Variants in ST6GALNAC3 observed in about 807,000 individuals in gnomAD.
ST6GALNAC3 encodes alpha-N-acetylgalactosaminide alpha-2,6-sialyltransferase 3.
Under a neutral mutation model 32.7 loss-of-function variants are expected in ST6GALNAC3, and 25 were observed. The observed-to-expected ratio is 0.76, with a 90% CI of 0.56 to 1.07. The LOEUF is 1.07. Among genes scored for constraint, ST6GALNAC3 ranks in the 50% least tolerant of loss-of-function variants. The pLI, the probability that ST6GALNAC3 is intolerant of heterozygous loss-of-function variation, is 0.00. For synonymous variants in ST6GALNAC3, 129 were observed against 133.1 expected (o/e 0.97, Z 0.21); for missense variants, 355 against 382.4 (o/e 0.93, Z 0.60).
chr1:76,343,756 T>C (rs1648261856), intron 2 of ST6GALNAC3, among the ~76,000 whole-genome samples: 1 of 152,244 alleles, frequency 6.6e-6, no homozygotes, highest in African/African-American at 2.4e-5. Flanking sequence ...TGCTTTGATA[T>C]TCTTTGTCTT....
At chr1:76,341,352 C>A (rs1647952671) in intron 2 of ST6GALNAC3, among the ~76,000 whole-genome samples, 1 of 152,056 alleles carries the variant, frequency 6.6e-6, no homozygotes. Context: ...ATAATGGCCT[C>A]TAGCTTCATC....
rs1418795224 is a variant in ST6GALNAC3, at chr1:76,468,336, T to A, written c.623+55919T>A. 8.7e-4 allele frequency among the ~76,000 whole-genome samples: 132 copies of A among 152,198 alleles called. 1 individual carries two copies. Among genetic ancestry groups the A allele is most frequent in the Non-Finnish European group, 1.5e-5 (1 of 67,958 alleles). ...AGTGCCTGTGATTTAAGTAGCTACT[T>A]GGGACACATTGAAGAGTCTGTTGTT... On this transcript the variant is annotated intron_variant, in intron 3 of 4. Transcript: ENST00000328299.
intron 1 of ST6GALNAC3, among the ~76,000 whole-genome samples, chr1:76,112,970 G>C (rs1648170354): frequency 2.0e-5 from 3 of 152,132 alleles, no homozygotes; most frequent in Admixed American, 2.0e-4. Context: ...TCGGCACTTT[G>C]GGGGGCCAAG....
chr1:76,584,857 G>A (rs913377578), intron 3 of ST6GALNAC3, among the ~76,000 whole-genome samples: 2 of 152,122 alleles, frequency 1.3e-5, no homozygotes, highest in Non-Finnish European at 2.9e-5. Context: ...AATGATATAC[G>A]CTACTTCCCA....
chr1:76,481,087 T>C (rs926435907), intron 3 of ST6GALNAC3, among the ~76,000 whole-genome samples: 1 of 152,154 alleles, frequency 6.6e-6, no homozygotes, highest in Non-Finnish European at 1.5e-5. Context: ...CCTTCTGAGC[T>C]TTCTGATCTT....
chr1:76,379,586 T>G (rs771568479), intron 2 of ST6GALNAC3, among the ~76,000 whole-genome samples: 11 of 152,192 alleles, frequency 7.2e-5, no homozygotes, highest in Middle Eastern at 3.2e-3. Context: ...TATTGAGAAC[T>G]GAGCCTGCAC....
chr1:76,494,875 G>T (rs140307331), intron 3 of ST6GALNAC3, among the ~76,000 whole-genome samples: 1 of 151,974 alleles, frequency 6.6e-6, no homozygotes, highest in African/African-American at 2.4e-5. Flanking sequence ...AGAGCCAATG[G>T]TATAGTTCCC....
At chr1:76,228,156 T>G (rs1016128662) in intron 1 of ST6GALNAC3, among the ~76,000 whole-genome samples, 1 of 152,192 alleles carries the variant, frequency 6.6e-6, no homozygotes, top group African/African-American at 2.4e-5. Flanking sequence ...TATTGAAATA[T>G]GAAATAGACC....
intron 2 of ST6GALNAC3, among the ~76,000 whole-genome samples, chr1:76,396,301 C>T (rs1343016578): frequency 6.6e-6 from 1 of 151,842 alleles, no homozygotes; most frequent in Non-Finnish European, 1.5e-5. Flanking sequence ...CTTGTCTCTA[C>T]AAAAAATATA....
chr1:76,290,404 A>G (rs1660017139), intron 1 of ST6GALNAC3, among the ~76,000 whole-genome samples: 1 of 152,152 alleles, frequency 6.6e-6, no homozygotes, highest in South Asian at 2.1e-4. Flanking sequence ...ACTCCTTTCA[A>G]TGACTGCATG....
chr1:76,629,929 G>GCCTTCTAGGGATTTATTTTTC lies in ST6GALNAC3; in HGVS notation c.*1126_*1146dup. The GCCTTCTAGGGATTTATTTTTC allele has an allele frequency of 1.0e-6, 1 of 985,098 alleles. No homozygotes were observed. The highest frequency in any genetic ancestry group is 1.2e-6 in the Non-Finnish European group (1 of 829,766). The allele number at this position is 985,098 out of a possible 1,614,324, so 61.0% of individuals were successfully genotyped here. ...ATATTAAACCTGACCAGAGCTTTTT[G>GCCTTCTAGGGATTTATTTTTC]CCTTCTAGGGATTTATTTTTCCCAT... On this transcript the variant is annotated 3_prime_UTR_variant, in exon 5 of 5. Transcript: ENST00000328299.
At chr1:76,385,028 T>C (rs547818972) in intron 2 of ST6GALNAC3, among the ~76,000 whole-genome samples, 11 of 152,262 alleles carry the variant, frequency 7.2e-5, no homozygotes, top group African/African-American at 2.6e-4. Context: ...ATTTCATTTA[T>C]ATAAGCCAAA....
At chr1:76,614,293 G>A (rs1335866781) in intron 3 of ST6GALNAC3, among the ~76,000 whole-genome samples, 3 of 152,302 alleles carry the variant, frequency 2.0e-5, no homozygotes, top group African/African-American at 7.2e-5. Context: ...CCAATTCTCA[G>A]AAGCTAAGTT....
intron 3 of ST6GALNAC3, among the ~76,000 whole-genome samples, chr1:76,613,541 C>T (rs1476486634): frequency 1.3e-5 from 2 of 152,158 alleles, no homozygotes; most frequent in Non-Finnish European, 2.9e-5. Context: ...GGATTTGTAT[C>T]CCTGCCCAAA....
chr1:76,074,846 C>G lies in ST6GALNAC3; in HGVS notation c.-21C>G. The G allele has an allele frequency of 6.3e-7, 1 of 1,585,612 alleles. No homozygotes were observed. Among genetic ancestry groups the G allele is most frequent in the Non-Finnish European group, 8.6e-7 (1 of 1,166,398 alleles). ...CCCAGGCGCGCCCGCTGCTCGGTGGCAGGAGGGCCGGCGGAGCGCCATGGC... is the reference window on the plus strand; with the variant it reads ...CCCAGGCGCGCCCGCTGCTCGGTGGGAGGAGGGCCGGCGGAGCGCCATGGC... On this transcript the variant is annotated 5_prime_UTR_variant, in exon 1 of 5. Transcript: ENST00000328299.
downstream of ST6GALNAC3, among the ~76,000 whole-genome samples, chr1:76,635,824 G>A (rs1649490781): frequency 6.6e-6 from 1 of 152,090 alleles, no homozygotes; most frequent in South Asian, 2.1e-4. Flanking sequence ...TGTGCTGGAA[G>A]GTTTTATGGG....
intron 3 of ST6GALNAC3, among the ~76,000 whole-genome samples, chr1:76,565,880 T>C (rs7536202): frequency 0.16 from 23,806 of 152,214 alleles, 2,011 homozygotes; most frequent in Middle Eastern, 0.2. Flanking sequence ...AGTACATTCA[T>C]GTAATTCAAA....
chr1:76,406,344 A>C (rs539427433), intron 2 of ST6GALNAC3, among the ~76,000 whole-genome samples: 2 of 152,204 alleles, frequency 1.3e-5, no homozygotes, highest in South Asian at 2.1e-4. Context: ...ATCATCTGCC[A>C]TGGTCTTTTT....
At chr1:76,357,646 T>G (rs746599232) in intron 2 of ST6GALNAC3, among the ~76,000 whole-genome samples, 2 of 152,202 alleles carry the variant, frequency 1.3e-5, no homozygotes, top group African/African-American at 4.8e-5. Flanking sequence ...GGTATTATAT[T>G]TACTATATGT....
Sources: allele counts gnomAD v4.1 joint callset (sites outside exome capture counted in the v4.1 genomes callset), GRCh38; gene constraint gnomAD v4.1.1; transcripts MANE v1.5; gene names NCBI Gene and HGNC (gene_info 2026-07-23, HGNC 2026-07-21).